RAPGEF4: variants seen among roughly 807,000 people sequenced by gnomAD.
The protein encoded by RAPGEF4 is RAP guanine-nucleotide-exchange factor (GEF) 4.
Under a neutral mutation model 147.9 loss-of-function variants are expected in RAPGEF4, and 66 were observed. The ratio of observed to expected loss-of-function variants is 0.45; its 90% CI spans 0.37 to 0.55. The LOEUF is 0.55. RAPGEF4 is among the 20% of genes least tolerant of loss of function. The pLI, the probability that RAPGEF4 is intolerant of heterozygous loss-of-function variation, is 0.00. For synonymous variants in RAPGEF4, 419 were observed against 442.7 expected (o/e 0.95, Z 0.67); for missense variants, 1,071 against 1,257.3 (o/e 0.85, Z 2.24).
rs184119075 is a variant in RAPGEF4, at chr2:172,922,496, G to A, written c.537+196G>A. Among the ~76,000 whole-genome samples, 14 of 152,342 alleles carry A rather than the reference G, an allele frequency of 9.2e-5. No individual in the cohort carries two copies. The East Asian group carries it at 2.1e-3, about 23-fold the overall frequency. On this transcript the variant is annotated intron_variant, in intron 6 of 30. Coordinates refer to ENST00000397081, the MANE Select transcript of RAPGEF4 (RefSeq NM_007023.4). ...GAAGGTTGATTGCTCTGACATGGTCGTCACGTGTCCCTGATTTTAACCAGT... is the reference window on the plus strand; with the variant it reads ...GAAGGTTGATTGCTCTGACATGGTCATCACGTGTCCCTGATTTTAACCAGT...
chr2:172,860,210 A>G, intron 4 of RAPGEF4: 12 of 985,410 alleles, frequency 1.2e-5, no homozygotes, highest in Non-Finnish European at 1.4e-5. Flanking sequence ...GAGTAGTCCC[A>G]TCAGTGAGAA....
At chr2:172,922,957 A>C (rs1027260108) in intron 6 of RAPGEF4, among the ~76,000 whole-genome samples, 1 of 152,226 alleles carries the variant, frequency 6.6e-6, no homozygotes, top group Admixed American at 6.5e-5. Flanking sequence ...CGATAGGAGT[A>C]TGCAGTGATT....
chr2:172,755,021 T>G (rs1695637394), intron 1 of RAPGEF4, among the ~76,000 whole-genome samples: 1 of 152,022 alleles, frequency 6.6e-6, no homozygotes, highest in South Asian at 2.1e-4. Context: ...CCAGCCTGGG[T>G]GACAGAGTGA....
rs536797053 is a variant in RAPGEF4 at position 172,919,418 on chromosome 2, C to T, written c.517+1544C>T. Among the ~76,000 whole-genome samples, 41 of 152,254 alleles carry T rather than the reference C, an allele frequency of 2.7e-4. 1 individual carries two copies. The highest frequency in any genetic ancestry group is 1.9e-4 in the East Asian group (1 of 5,164). On this transcript the variant is annotated intron_variant, in intron 5 of 30. Transcript: ENST00000397081. The stretch of plus-strand genomic sequence containing the variant: ...ACCAATAACCAGACCTGATCATTCC[C>T]GTTGCCCACGTCCAGACTCCATTCC...
At position 172,983,472 on chromosome 2, in the gene RAPGEF4, CTTTT is replaced by C; in HGVS notation, c.1005-14_1005-11del. ...CTAGTGATGCCCTTTTTCCATATTCCTTTTTTTTTTTTTATCTTTGTAGACCTGG... is the reference window on the plus strand; with the variant it reads ...CTAGTGATGCCCTTTTTCCATATTCCTTTTTTTTTATCTTTGTAGACCTGG... On this transcript the variant is annotated intron_variant, in intron 10 of 30. Transcript: ENST00000397081. The C allele has an allele frequency of 6.7e-7, 1 of 1,497,464 alleles. No homozygotes were observed. Among genetic ancestry groups the C allele is most frequent in the South Asian group, 1.3e-5 (1 of 78,404 alleles). 92.8% of individuals were successfully genotyped at this position (1,497,464 alleles called of 1,614,324 possible).
At chr2:172,953,603 A>G (rs893561278) in intron 6 of RAPGEF4, among the ~76,000 whole-genome samples, 2 of 152,126 alleles carry the variant, frequency 1.3e-5, no homozygotes, top group East Asian at 3.9e-4. Flanking sequence ...CTTAGCAACC[A>G]TAAAAACACC....
chr2:172,904,659 A>G (rs540694453), intron 4 of RAPGEF4, among the ~76,000 whole-genome samples: 2 of 152,190 alleles, frequency 1.3e-5, no homozygotes, highest in Admixed American at 6.5e-5. Context: ...TTAGCAATAA[A>G]TAGTTGCAGA....
chr2:173,006,891 A>G (rs924278857), intron 17 of RAPGEF4, among the ~76,000 whole-genome samples: 2 of 152,206 alleles, frequency 1.3e-5, no homozygotes, highest in Non-Finnish European at 2.9e-5. Context: ...TGTTTGATCC[A>G]TATGTCACCG....
chr2:173,018,460 G>A (rs932021403), intron 21 of RAPGEF4, among the ~76,000 whole-genome samples, 196 bp from the exon 22 acceptor site: 5 of 152,186 alleles, frequency 3.3e-5, no homozygotes, highest in Non-Finnish European at 7.3e-5. Flanking sequence ...AACCATATGT[G>A]CACCTATTCT....
intron 4 of RAPGEF4, chr2:172,821,840 A>G (rs1689098487): frequency 2.1e-6 from 3 of 1,453,102 alleles, no homozygotes; most frequent in Admixed American, 4.3e-5. Flanking sequence ...CTGTGGACTG[A>G]GAGCCACTCA....
At chr2:172,975,260 C>A (rs1690947774) in intron 10 of RAPGEF4, among the ~76,000 whole-genome samples, 1 of 152,182 alleles carries the variant, frequency 6.6e-6, no homozygotes, top group South Asian at 2.1e-4. Flanking sequence ...TGGAAAGAGT[C>A]AATTTACTCC....
chr2:172,881,173 G>C (rs1313312181), intron 4 of RAPGEF4, among the ~76,000 whole-genome samples: 1 of 152,146 alleles, frequency 6.6e-6, no homozygotes, highest in Non-Finnish European at 1.5e-5. Context: ...GAGTTCTTCT[G>C]CCTTACATTT....
At chr2:172,941,555 A>T (rs1264669109) in intron 6 of RAPGEF4, among the ~76,000 whole-genome samples, 1 of 152,210 alleles carries the variant, frequency 6.6e-6, no homozygotes, top group African/African-American at 2.4e-5. Context: ...AGCACTTGAT[A>T]AAATGCTTTT....
Position 173,018,642 on chromosome 2 carries a change from C to G in RAPGEF4, c.2009-14C>G, listed in dbSNP as rs374473725. On this transcript the variant is annotated splice_polypyrimidine_tract_variant and intron_variant, in intron 21 of 30. Transcript: ENST00000397081. ...TTAAGAGTGATTTACTACCTTGTTACTGCCTTTGGATAGTTCTGTTTAAGG... is the reference window on the plus strand; with the variant it reads ...TTAAGAGTGATTTACTACCTTGTTAGTGCCTTTGGATAGTTCTGTTTAAGG... 1 of 1,601,678 alleles carries G rather than the reference C, an allele frequency of 6.2e-7. No individual in the cohort carries two copies. The highest frequency in any genetic ancestry group is 2.2e-5 in the East Asian group (1 of 44,600).
chr2:172,961,676 T>TAC (rs1419772225), intron 8 of RAPGEF4, among the ~76,000 whole-genome samples: 4 of 152,194 alleles, frequency 2.6e-5, no homozygotes, highest in Non-Finnish European at 4.4e-5. Context: ...TTGGAGAAAT[T>TAC]AGTTTTGCTT....
chr2:172,804,614 G>A (rs1309771764), intron 3 of RAPGEF4, among the ~76,000 whole-genome samples: 1 of 152,140 alleles, frequency 6.6e-6, no homozygotes, highest in Non-Finnish European at 1.5e-5. Context: ...CTGCTCTCCT[G>A]TGCTTTAGGC....
chr2:172,876,229 A>G (rs1444117881), intron 4 of RAPGEF4, among the ~76,000 whole-genome samples: 1 of 152,138 alleles, frequency 6.6e-6, no homozygotes, highest in Non-Finnish European at 1.5e-5. Context: ...TCCTAATTGA[A>G]TACCCTTTCT....
At chr2:172,761,524 A>G (rs911813768) in intron 1 of RAPGEF4, among the ~76,000 whole-genome samples, 1 of 152,190 alleles carries the variant, frequency 6.6e-6, no homozygotes. Flanking sequence ...TCCTTCAGGA[A>G]TGAAGGGGGA....
At chr2:172,996,801 C>G (rs1381905570) in intron 16 of RAPGEF4, among the ~76,000 whole-genome samples, 1 of 152,148 alleles carries the variant, frequency 6.6e-6, no homozygotes, top group Admixed American at 6.5e-5. Context: ...CCTCATCTTC[C>G]CTAGGCATCT....
Sources: gnomAD v4.1 joint callset for allele counts (sites outside exome capture counted in the v4.1 genomes callset) on GRCh38, gnomAD v4.1.1 for gene constraint, MANE v1.5 for transcripts, NCBI Gene and HGNC (gene_info 2026-07-23, HGNC 2026-07-21) for gene names.